Variants in LCLAT1 observed in about 807,000 individuals in gnomAD.
LCLAT1 encodes the protein 1-AGP acyltransferase 8.
Under a neutral mutation model 30.7 loss-of-function variants are expected in LCLAT1, and 11 were observed. The ratio of observed to expected loss-of-function variants is 0.36; its 90% CI spans 0.23 to 0.59. LCLAT1 has a LOEUF of 0.59. LCLAT1 is among the 20% of genes least tolerant of loss of function. The pLI is 0.77. For synonymous variants in LCLAT1, 155 were observed against 151.3 expected, an observed-to-expected ratio of 1.02 and a Z score of -0.18; for missense variants, 402 against 458.6, an observed-to-expected ratio of 0.88 and a Z score of 1.13.
intron 1 of LCLAT1, among the ~76,000 whole-genome samples, chr2:30,524,217 G>T (rs1252624): frequency 0.71 from 108,307 of 152,008 alleles, 40,308 homozygotes; most frequent in East Asian, 0.88. Flanking sequence ...TAAAACATCT[G>T]TATGATGTTC....
intron 3 of LCLAT1, among the ~76,000 whole-genome samples, chr2:30,553,163 A>G (rs1415594801): frequency 6.6e-6 from 1 of 152,226 alleles, no homozygotes; most frequent in Non-Finnish European, 1.5e-5. Context: ...AAATGAAAAA[A>G]AAAAGTTGTG....
intron 1 of LCLAT1, among the ~76,000 whole-genome samples, chr2:30,474,715 C>T (rs904787349): frequency 2.0e-5 from 3 of 150,536 alleles, no homozygotes; most frequent in East Asian, 2.0e-4. Context: ...GTGGCACAAT[C>T]CCAGCTCACA....
chr2:30,632,194 A>C lies in LCLAT1; in HGVS notation c.629-7923A>C, dbSNP rs1428044953. On this transcript the variant is annotated intron_variant, in intron 5 of 5. Coordinates refer to ENST00000379509, the MANE Select transcript of LCLAT1 (RefSeq NM_001002257.3). ...TCACAAGTATACCATTTTTAGTTTTAACTTTCCAGCTGAAGGTTAACTTTG... is the reference window on the plus strand; with the variant it reads ...TCACAAGTATACCATTTTTAGTTTTCACTTTCCAGCTGAAGGTTAACTTTG... Among the ~76,000 whole-genome samples the C allele has an allele frequency of 3.3e-5, 5 of 152,340 alleles. No homozygotes were observed. In the South Asian group the frequency reaches 8.3e-4, roughly 25 times the overall value.
At chr2:30,543,220 T>A (rs1217753490) in intron 3 of LCLAT1, among the ~76,000 whole-genome samples, 1 of 152,166 alleles carries the variant, frequency 6.6e-6, no homozygotes, top group East Asian at 1.9e-4. Context: ...CCTCTTAGAA[T>A]GATAAGATGA....
At chr2:30,545,152 G>GT (rs1363480937) in intron 3 of LCLAT1, among the ~76,000 whole-genome samples, 5 of 152,266 alleles carry the variant, frequency 3.3e-5, no homozygotes, top group African/African-American at 1.2e-4. Context: ...CCAGGCATAA[G>GT]TGTAAGCAGC....
chr2:30,453,146 T>C (rs1247869401), intron 1 of LCLAT1, among the ~76,000 whole-genome samples: 1 of 152,204 alleles, frequency 6.6e-6, no homozygotes. Context: ...TAAGCGTATA[T>C]AGTTCATTCC....
intron 3 of LCLAT1, among the ~76,000 whole-genome samples, chr2:30,545,258 G>A (rs751797227): frequency 2.6e-5 from 4 of 152,116 alleles, no homozygotes; most frequent in Non-Finnish European, 5.9e-5. Context: ...CTGCATCGTA[G>A]TGGTCAACTA....
chr2:30,562,812 T>C (rs1431093738), intron 4 of LCLAT1, among the ~76,000 whole-genome samples: 1 of 152,234 alleles, frequency 6.6e-6, no homozygotes, highest in Non-Finnish European at 1.5e-5. Context: ...AGGTATTTAT[T>C]TATCCATTAG....
At chr2:30,593,411 A>G (rs942368879) in intron 5 of LCLAT1, among the ~76,000 whole-genome samples, 2 of 152,148 alleles carry the variant, frequency 1.3e-5, no homozygotes, top group South Asian at 2.1e-4. Flanking sequence ...TGATCTATGC[A>G]TCTGTTTTTC....
At chr2:30,560,694 G>T (rs1665173320) in intron 3 of LCLAT1, among the ~76,000 whole-genome samples, 1 of 152,084 alleles carries the variant, frequency 6.6e-6, no homozygotes, top group African/African-American at 2.4e-5. Context: ...TATTATCAGG[G>T]TTCTGTTGTA....
intron 1 of LCLAT1, among the ~76,000 whole-genome samples, chr2:30,502,399 C>G (rs1447630315): frequency 6.6e-6 from 1 of 152,118 alleles, no homozygotes; most frequent in African/African-American, 2.4e-5. Flanking sequence ...CTACAATTCA[C>G]TCATTTAAAC....
At chr2:30,447,513 C>T (rs1681314566) in intron 1 of LCLAT1, 130 bp downstream of exon 1, 1 of 152,236 alleles carries the variant, frequency 6.6e-6, no homozygotes, top group African/African-American at 2.4e-5. Flanking sequence ...TTCCCCGGGC[C>T]GCGACCTCGG....
At chr2:30,487,509 G>A (rs1194519485) in intron 1 of LCLAT1, among the ~76,000 whole-genome samples, 1 of 152,100 alleles carries the variant, frequency 6.6e-6, no homozygotes, top group African/African-American at 2.4e-5. Flanking sequence ...GCCCTGGGGG[G>A]TACAGCAGTT....
chr2:30,535,432 C>G (rs1384526092), intron 3 of LCLAT1, among the ~76,000 whole-genome samples: 1 of 152,100 alleles, frequency 6.6e-6, no homozygotes, highest in Non-Finnish European at 1.5e-5. Flanking sequence ...CGTGTGTTCA[C>G]CCCCCAGGGT....
intron 1 of LCLAT1, among the ~76,000 whole-genome samples, chr2:30,504,547 A>C (rs1459345321): frequency 6.6e-6 from 1 of 152,104 alleles, no homozygotes; most frequent in Non-Finnish European, 1.5e-5. Flanking sequence ...TTTGGGCTTA[A>C]TGTATGGCAA....
At chr2:30,471,265 A>C (rs1682771262) in intron 1 of LCLAT1, among the ~76,000 whole-genome samples, 1 of 151,612 alleles carries the variant, frequency 6.6e-6, no homozygotes, top group African/African-American at 2.4e-5. Flanking sequence ...GCTGGAGTGC[A>C]GTGGTGTGAT....
intron 5 of LCLAT1, among the ~76,000 whole-genome samples, chr2:30,624,064 T>C (rs1191202540): frequency 6.6e-6 from 1 of 152,164 alleles, no homozygotes; most frequent in South Asian, 2.1e-4. Context: ...AAACAAATGC[T>C]GAGAGAATTT....
intron 5 of LCLAT1, among the ~76,000 whole-genome samples, chr2:30,591,967 A>G (rs1666716253): frequency 6.6e-6 from 1 of 152,218 alleles, no homozygotes; most frequent in African/African-American, 2.4e-5. Context: ...ATCACATAGT[A>G]TAATAATTTG....
intron 5 of LCLAT1, among the ~76,000 whole-genome samples, chr2:30,632,948 A>T (rs1668839669): frequency 6.6e-6 from 1 of 152,212 alleles, no homozygotes; most frequent in Admixed American, 6.5e-5. Context: ...TTGAGCCTTA[A>T]TACCAGTTGG....
Sources: gnomAD v4.1 joint callset for allele counts (sites outside exome capture counted in the v4.1 genomes callset) on GRCh38, gnomAD v4.1.1 for gene constraint, MANE v1.5 for transcripts, NCBI Gene and HGNC (gene_info 2026-07-23, HGNC 2026-07-21) for gene names.